Variants in NPIPA7 observed in about 807,000 individuals in gnomAD.
NPIPA7 encodes the protein nuclear pore complex interacting protein family member A7.
At chr16:16,387,621 C>G in intron 3 of NPIPA7, 41 bp from the exon 4 acceptor site, 1 of 465,278 alleles carries the variant, frequency 2.1e-6, no homozygotes, top group Non-Finnish European at 3.7e-6. Flanking sequence ...GGCTGAAGTC[C>G]ATTTGTATGC....
chr16:16,388,507 C>T (rs1266411048), intron 4 of NPIPA7, among the ~76,000 whole-genome samples: 7 of 39,618 alleles, frequency 1.8e-4, no homozygotes, highest in African/African-American at 5.1e-4. Flanking sequence ...AGGTGTGTGC[C>T]GCCACATTCG....
rs866609080 is a variant in NPIPA7, at chr16:16,387,039, C to A, written c.193-360C>A. Among the ~76,000 whole-genome samples, 738 of 132,488 alleles carry A rather than the reference C, an allele frequency of 5.6e-3. 49 individuals are homozygous for A. Among genetic ancestry groups the A allele is most frequent in the Middle Eastern group, 0.022 (5 of 230 alleles). 86.9% of individuals were successfully genotyped at this position (132,488 alleles called of 152,430 possible). On this transcript the variant is annotated intron_variant, in intron 2 of 7. Coordinates refer to ENST00000530217, the Ensembl canonical transcript of NPIPA7. Reference sequence around the variant, plus strand: ...ACTGGGATTACAGGAGTGAGCCACCCTGCCAGCCTCATGTCATTCTTTGTG... The same window carrying A: ...ACTGGGATTACAGGAGTGAGCCACCATGCCAGCCTCATGTCATTCTTTGTG...
chr16:16,386,706 C>T (rs1317757793), intron 2 of NPIPA7, among the ~76,000 whole-genome samples: 5 of 131,766 alleles, frequency 3.8e-5, no homozygotes, highest in African/African-American at 1.1e-4. Context: ...CCTCGGCCTC[C>T]CAAAGTGCTG....
chr16:16,388,115 G>A (rs1158300786), intron 4 of NPIPA7, among the ~76,000 whole-genome samples: 2 of 40,368 alleles, frequency 5.0e-5, no homozygotes, highest in Middle Eastern at 8.2e-3. Context: ...CAGTTCAATG[G>A]CACAATCTCA....
At chr16:16,386,832 C>T (rs1241698185) in intron 2 of NPIPA7, among the ~76,000 whole-genome samples, 2 of 127,814 alleles carry the variant, frequency 1.6e-5, no homozygotes, top group Admixed American at 1.7e-4. Flanking sequence ...TCACCACAAC[C>T]TTTTCCTGCT....
intron 5 of NPIPA7, 62 bp downstream of exon 5, chr16:16,390,936 C>T: frequency 1.3e-5 from 4 of 304,766 alleles, no homozygotes; most frequent in South Asian, 2.9e-5. Context: ...TGTTTTTAAC[C>T]TTTGTACAAT....
In NPIPA7 at chr16:16,387,014, A is replaced by G. The variant is rs866200173; in HGVS notation, c.193-385A>G. On this transcript the variant is annotated intron_variant, in intron 2 of 7. Transcript: ENST00000530217. ...TCCGCCTGCCTCGGCCTCCCAAAGT[A>G]CTGGGATTACAGGAGTGAGCCACCC... Among the ~76,000 whole-genome samples, 199 of 141,870 alleles carry G rather than the reference A, an allele frequency of 1.4e-3. 3 individuals are homozygous for G. Among genetic ancestry groups the G allele is most frequent in the Admixed American group, 6.7e-3 (86 of 12,884 alleles). 93.1% of individuals were successfully genotyped at this position (141,870 alleles called of 152,430 possible).
At chr16:16,387,117 T>C (rs2050167767) in intron 2 of NPIPA7, among the ~76,000 whole-genome samples, 1 of 126,128 alleles carries the variant, frequency 7.9e-6, no homozygotes, top group Non-Finnish European at 1.8e-5. Context: ...ATTCTGTCGC[T>C]CAGGCTGGAG....
intron 4 of NPIPA7, among the ~76,000 whole-genome samples, chr16:16,388,538 T>C: frequency 1.4e-5 from 1 of 71,184 alleles, no homozygotes; most frequent in Non-Finnish European, 2.8e-5. Context: ...TTTTTTTTTT[T>C]TTTTTTTTTT....
chr16:16,382,183 A>G (rs2050105726), intron 1 of NPIPA7, among the ~76,000 whole-genome samples: 1 of 98,834 alleles, frequency 1.0e-5, no homozygotes, highest in South Asian at 3.2e-4. Context: ...TATTATTTAG[A>G]GGGATTCTTT....
chr16:16,387,036 AC>A (rs2050161629), intron 2 of NPIPA7, among the ~76,000 whole-genome samples: 1 of 138,810 alleles, frequency 7.2e-6, no homozygotes, highest in Non-Finnish European at 1.6e-5. Context: ...GGAGTGAGCC[AC>A]CCTGCCAGCC....
At chr16:16,388,370 T>A (rs1399538386) in intron 4 of NPIPA7, among the ~76,000 whole-genome samples, 9 of 16,388 alleles carry the variant, frequency 5.5e-4, no homozygotes, top group Middle Eastern at 0.023. Flanking sequence ...TTTTTTTTTT[T>A]AATTTTGAGA....
intron 4 of NPIPA7, among the ~76,000 whole-genome samples, chr16:16,388,051 C>CTT (rs1252652575): frequency 6.7e-5 from 3 of 44,680 alleles, no homozygotes; most frequent in South Asian, 1.4e-3. Flanking sequence ...CTTTCTCTCT[C>CTT]TTTTTTTTTT....
chr16:16,386,713 G>A (rs1231554210), intron 2 of NPIPA7, among the ~76,000 whole-genome samples: 1 of 127,848 alleles, frequency 7.8e-6, no homozygotes, highest in East Asian at 2.3e-4. Context: ...CTCCCAAAGT[G>A]CTGGGATTAC....
At chr16:16,386,446 CATT>C (rs1356730035) in intron 2 of NPIPA7, among the ~76,000 whole-genome samples, 2 of 79,842 alleles carry the variant, frequency 2.5e-5, no homozygotes, top group Non-Finnish European at 4.8e-5. Flanking sequence ...ATATTCATGT[CATT>C]TTTTTTTTTT....
chr16:16,386,246 C>G (rs1596854615), intron 2 of NPIPA7, among the ~76,000 whole-genome samples: 1 of 126,048 alleles, frequency 7.9e-6, no homozygotes, highest in African/African-American at 3.1e-5. Context: ...AGAGCAGGGA[C>G]AGAAGAAAGA....
intron 2 of NPIPA7, among the ~76,000 whole-genome samples, chr16:16,386,409 G>A (rs1413562866): frequency 3.0e-5 from 4 of 132,960 alleles, no homozygotes; most frequent in Non-Finnish European, 6.5e-5. Flanking sequence ...TAACCGTGTT[G>A]AAGTGTACAG....
intron 2 of NPIPA7, among the ~76,000 whole-genome samples, chr16:16,386,098 T>C (rs1189847939): frequency 1.2e-5 from 1 of 86,214 alleles, no homozygotes; most frequent in Non-Finnish European, 2.4e-5. Context: ...AAATATTTAA[T>C]ATCTTCGAAG....
intron 2 of NPIPA7, among the ~76,000 whole-genome samples, chr16:16,387,060 T>TTG (rs374685325): frequency 0.041 from 4,020 of 98,464 alleles, 26 homozygotes; most frequent in East Asian, 0.11. Flanking sequence ...ATGTCATTCT[T>TTG]TGTGTGTGTG....
Sources: gnomAD v4.1 joint callset for allele counts (sites outside exome capture counted in the v4.1 genomes callset) on GRCh38, gnomAD v4.1.1 for gene constraint, MANE v1.5 for transcripts, NCBI Gene and HGNC (gene_info 2026-07-23, HGNC 2026-07-21) for gene names.